Variants in TAFA4 observed in about 807,000 individuals in gnomAD.
TAFA4 encodes chemokine-like protein TAFA-4.
TAFA4 carries 20 observed loss-of-function variants against 21.1 expected under a neutral mutation model. The observed-to-expected ratio is 0.95, with a 90% CI of 0.67 to 1.38. The LOEUF is 1.38. TAFA4 is among the 40% of genes most tolerant of loss of function. TAFA4 has a pLI of 0.00. For synonymous variants in TAFA4, 71 were observed against 67.4 expected (o/e 1.05, Z -0.26); for missense variants, 211 against 180.9 (o/e 1.17, Z -0.95).
chr3:68,843,301 G>A (rs529617161), intron 3 of TAFA4, among the ~76,000 whole-genome samples: 16 of 152,264 alleles, frequency 1.1e-4, no homozygotes, highest in Non-Finnish European at 2.1e-4. Flanking sequence ...AATTGTGAAT[G>A]GGAGTTCACT....
rs149578189 is a variant in TAFA4 at position 68,893,158 on chromosome 3, GATTTT to G, written c.-122-7853_-122-7849del. Among the ~76,000 whole-genome samples the G allele has an allele frequency of 3.2e-3, 482 of 152,164 alleles. 1 individual carries two copies. The highest frequency in any genetic ancestry group is 0.011 in the African/African-American group (448 of 41,516). ...AAATATTCAAAACAGAATGTCTAAGGATTTTATTTAACATAATCAATAGCCAACAT... is the reference window on the plus strand; with the variant it reads ...AAATATTCAAAACAGAATGTCTAAGGATTTAACATAATCAATAGCCAACAT... On this transcript the variant is annotated intron_variant, in intron 1 of 5. Transcript: ENST00000295569.
chr3:68,854,485 G>A (rs577391145), intron 3 of TAFA4, among the ~76,000 whole-genome samples: 2 of 152,152 alleles, frequency 1.3e-5, no homozygotes, highest in East Asian at 3.9e-4. Context: ...TGGTCAAAAG[G>A]CCGTGTGTTC....
chr3:68,796,455 G>A (rs1417085179), intron 3 of TAFA4, among the ~76,000 whole-genome samples: 3 of 152,026 alleles, frequency 2.0e-5, no homozygotes, highest in African/African-American at 7.2e-5. Flanking sequence ...GAATGTGGCA[G>A]GGTTGCTACT....
intron 3 of TAFA4, among the ~76,000 whole-genome samples, chr3:68,789,508 AT>A (rs1373451346): frequency 1.3e-5 from 2 of 152,226 alleles, no homozygotes; most frequent in Non-Finnish European, 2.9e-5. Context: ...GTATATGTAT[AT>A]CAAAATATCA....
chr3:68,773,120 A>C (rs1324631596), intron 3 of TAFA4, among the ~76,000 whole-genome samples: 1 of 152,096 alleles, frequency 6.6e-6, no homozygotes, highest in Admixed American at 6.5e-5. Flanking sequence ...ATGCAACCTA[A>C]TTGAATATTG....
chr3:68,735,047 CT>C (rs1702214216), intron 5 of TAFA4, among the ~76,000 whole-genome samples: 1 of 152,040 alleles, frequency 6.6e-6, no homozygotes, highest in Non-Finnish European at 1.5e-5. Flanking sequence ...GGATACAAGG[CT>C]ACTAAGATGC....
At chr3:68,931,484 C>G (rs894129437) in intron 1 of TAFA4, among the ~76,000 whole-genome samples, 9 of 152,204 alleles carry the variant, frequency 5.9e-5, no homozygotes, top group Admixed American at 5.9e-4. Context: ...TGCAGGAGAT[C>G]AAGCTTTCCA....
At chr3:68,878,925 A>G (rs1198841246) in intron 3 of TAFA4, among the ~76,000 whole-genome samples, 1 of 152,078 alleles carries the variant, frequency 6.6e-6, no homozygotes, top group African/African-American at 2.4e-5. Context: ...CACCTACCGT[A>G]ACACCCATCT....
chr3:68,885,290 A>G lies in TAFA4; in HGVS notation c.-102T>C, dbSNP rs540698646. 8 of 1,098,276 alleles carry G rather than the reference A, an allele frequency of 7.3e-6. No homozygotes were observed. The Admixed American group carries it at 1.4e-4, about 20-fold the overall frequency. 68.0% of individuals were successfully genotyped at this position (1,098,276 alleles called of 1,614,324 possible). On this transcript the variant is annotated 5_prime_UTR_variant, in exon 2 of 6. Coordinates refer to ENST00000295569, the MANE Select transcript of TAFA4 (RefSeq NM_182522.5). ...ACCAATCATTTCTGCCGTTCCAAAA[A>G]ATTATCGTAGCTCAGAAGACCTATG...
intron 3 of TAFA4, among the ~76,000 whole-genome samples, chr3:68,858,354 T>A (rs1219607381): frequency 6.6e-6 from 1 of 152,110 alleles, no homozygotes; most frequent in Non-Finnish European, 1.5e-5. Context: ...TAGTTATTAA[T>A]GCTGGAACGC....
intron 1 of TAFA4, among the ~76,000 whole-genome samples, chr3:68,896,501 G>A (rs956674866): frequency 6.6e-6 from 1 of 152,206 alleles, no homozygotes; most frequent in Admixed American, 6.5e-5. Context: ...GCTTGAGTAA[G>A]TGAGCAAAAT....
At chr3:68,898,113 A>G (rs1347995239) in intron 1 of TAFA4, among the ~76,000 whole-genome samples, 1 of 152,196 alleles carries the variant, frequency 6.6e-6, no homozygotes, top group Non-Finnish European at 1.5e-5. Flanking sequence ...AAGGTGAAAA[A>G]GGGGTGAGAT....
rs551395537 is a variant in TAFA4, at chr3:68,805,893, C to T, written c.131-52875G>A. ...ATGGGTGCAGCATACCAACATGGCA[C>T]ATGTATACATACGTAACAAACCTGC... On this transcript the variant is annotated intron_variant, in intron 3 of 5. Transcript: ENST00000295569. Among the ~76,000 whole-genome samples the T allele has an allele frequency of 2.0e-5, 3 of 152,130 alleles. No individual in the cohort carries two copies. The East Asian group carries it at 5.8e-4, about 29-fold the overall frequency.
chr3:68,850,761 C>G (rs1344833034), intron 3 of TAFA4, among the ~76,000 whole-genome samples: 1 of 150,506 alleles, frequency 6.6e-6, no homozygotes, highest in African/African-American at 2.5e-5. Flanking sequence ...TATTTAAGTT[C>G]CTTGTAGATT....
intron 3 of TAFA4, among the ~76,000 whole-genome samples, chr3:68,755,558 C>T (rs1026787841): frequency 6.6e-6 from 1 of 152,186 alleles, no homozygotes; most frequent in Admixed American, 6.5e-5. Context: ...AGTATTCACA[C>T]GTTTGTGCAG....
intron 1 of TAFA4, among the ~76,000 whole-genome samples, chr3:68,902,972 CA>C (rs989501902): frequency 2.0e-5 from 3 of 151,548 alleles, no homozygotes; most frequent in African/African-American, 7.3e-5. Context: ...TTCTCCCAAT[CA>C]ATGGCCATTT....
At chr3:68,778,950 G>A (rs558608241) in intron 3 of TAFA4, among the ~76,000 whole-genome samples, 1 of 152,312 alleles carries the variant, frequency 6.6e-6, no homozygotes, top group Admixed American at 6.5e-5. Context: ...GGAAAATGTG[G>A]GAAAGTTTGG....
chr3:68,804,149 C>A (rs1051019721), intron 3 of TAFA4, among the ~76,000 whole-genome samples: 2 of 151,990 alleles, frequency 1.3e-5, no homozygotes, highest in Non-Finnish European at 2.9e-5. Flanking sequence ...CACTGCTCCA[C>A]GAAACATCAT....
intron 1 of TAFA4, among the ~76,000 whole-genome samples, chr3:68,898,456 G>A (rs945350850): frequency 4.6e-5 from 7 of 152,126 alleles, no homozygotes; most frequent in South Asian, 2.1e-4. Flanking sequence ...AGACCAGCCC[G>A]GCCAACATAG....
Sources: gnomAD v4.1 joint callset for allele counts (sites outside exome capture counted in the v4.1 genomes callset) on GRCh38, gnomAD v4.1.1 for gene constraint, MANE v1.5 for transcripts, NCBI Gene and HGNC (gene_info 2026-07-23, HGNC 2026-07-21) for gene names.